Variants in PRTG observed in about 807,000 individuals in gnomAD.
PRTG encodes protogenin.
A neutral mutation model predicts 122.5 loss-of-function variants in PRTG; 67 were observed. The ratio of observed to expected loss-of-function variants is 0.55; its 90% CI spans 0.45 to 0.67. The LOEUF is 0.67. Among genes scored for constraint, PRTG ranks in the 30% least tolerant of loss-of-function variants. The pLI is 0.00. For missense variants in PRTG, 1,435 were observed against 1,415.4 expected, an observed-to-expected ratio of 1.01 and a Z score of -0.22; for synonymous variants, 554 against 501.1, an observed-to-expected ratio of 1.11 and a Z score of -1.41.
In PRTG at chr15:55,724,110, C is replaced by A. The variant is rs192282082; in HGVS notation, c.397+16272G>T. ...TTGTGGCCCAACATGTGTTCTATTCCGGAGAACGTTTTATGTGCACTAGAG... is the reference window on the plus strand; with the variant it reads ...TTGTGGCCCAACATGTGTTCTATTCAGGAGAACGTTTTATGTGCACTAGAG... On this transcript the variant is annotated intron_variant, in intron 2 of 19. Coordinates refer to ENST00000389286, the MANE Select transcript of PRTG (RefSeq NM_173814.6). Among the ~76,000 whole-genome samples the A allele has an allele frequency of 2.6e-5, 4 of 152,020 alleles. No individual in the cohort carries two copies. In the East Asian group the frequency reaches 7.7e-4, roughly 29 times the overall value.
rs2059121560 is a variant in PRTG, at chr15:55,611,810, C to G, written c.*8202G>C. Reference sequence around the variant, plus strand: ...CATTCAAAATCAAGGCAAACATTTGCTTTCTTCGTGCAATGGCATTCACAG... The same window carrying G: ...CATTCAAAATCAAGGCAAACATTTGGTTTCTTCGTGCAATGGCATTCACAG... On this transcript the variant is annotated 3_prime_UTR_variant, in exon 20 of 20. Coordinates refer to ENST00000389286, the MANE Select transcript of PRTG (RefSeq NM_173814.6). 6.6e-6 allele frequency: 1 copy of G among 151,960 alleles called. No homozygotes were observed. The allele number at this position is 151,960 out of a possible 1,614,324, so 9.4% of individuals were successfully genotyped here. A position where few individuals can be genotyped will look rare whatever the true frequency, so the allele number is the denominator to read the frequency against.
At chr15:55,661,372 C>T (rs372989595) in intron 11 of PRTG, among the ~76,000 whole-genome samples, 17 of 152,176 alleles carry the variant, frequency 1.1e-4, no homozygotes, top group African/African-American at 4.1e-4. Context: ...AAAACAACAA[C>T]AGCAGCAACA....
chr15:55,653,412 C>A (rs9920262), intron 11 of PRTG, among the ~76,000 whole-genome samples: 116,131 of 151,912 alleles, frequency 0.76, 45,193 homozygotes, highest in Non-Finnish European at 0.84. Context: ...TGTACGTGTC[C>A]TTTGAGAATC....
rs372887571 is a variant in PRTG, at chr15:55,705,462, T to C, written c.398-21531A>G. On this transcript the variant is annotated intron_variant, in intron 2 of 19. Transcript: ENST00000389286. ...GTCAACTATTTTGTCTTCCCCTTTC[T>C]ACTTATTCTTTTTGTGAGAGAGGGT... Among the ~76,000 whole-genome samples the C allele has an allele frequency of 9.2e-5, 14 of 152,204 alleles. 1 individual carries two copies. In the East Asian group the frequency reaches 2.3e-3, roughly 25 times the overall value.
chr15:55,649,064 T>G (rs559938163), intron 11 of PRTG, among the ~76,000 whole-genome samples: 3 of 147,938 alleles, frequency 2.0e-5, no homozygotes, highest in African/African-American at 7.5e-5. Context: ...GCCACTGCAC[T>G]CCAGACTGAG....
chr15:55,637,291 G>C lies in PRTG; in HGVS notation c.2502C>G (p.Asp834Glu). The C allele has an allele frequency of 6.2e-7, 1 of 1,613,938 alleles. No individual in the cohort carries two copies. Among genetic ancestry groups the C allele is most frequent in the Non-Finnish European group, 8.5e-7 (1 of 1,179,948 alleles). Residue 834 changes from aspartate to glutamate, a missense_variant, in exon 15 of 20, where the codon GAC becomes GAG. By Grantham distance (45) the Asp-to-Glu change is conservative. Coordinates refer to ENST00000389286, the MANE Select transcript of PRTG (RefSeq NM_173814.6). ...GGGGTTTCCAAGAAACCAGGGCAGT[G>C]TCATCCTCTATTAATGTCACTTTTA... ...VGVKVTLIED[D>E]TALVSWKPPD...
At chr15:55,667,689 C>T (rs1280604994) in intron 11 of PRTG, among the ~76,000 whole-genome samples, 1 of 152,192 alleles carries the variant, frequency 6.6e-6, no homozygotes, top group Non-Finnish European at 1.5e-5. Flanking sequence ...CTCACACTTT[C>T]GTCAGTTAGT....
rs564315184 is a variant in PRTG, at chr15:55,711,552, A to C, written c.398-27621T>G. On this transcript the variant is annotated intron_variant, in intron 2 of 19. Coordinates refer to ENST00000389286, the MANE Select transcript of PRTG (RefSeq NM_173814.6). ...TGTTTGATGCCACCCACTCTCCTGG[A>C]ACTTGCCAAAGACATGTGAACAAAC... Among the ~76,000 whole-genome samples, 3 of 152,196 alleles carry C rather than the reference A, an allele frequency of 2.0e-5. No individual in the cohort carries two copies. The South Asian group carries it at 6.2e-4, about 32-fold the overall frequency.
At chr15:55,620,838 A>G in intron 18 of PRTG, 71 bp from the exon 19 acceptor site, 2 of 1,295,254 alleles carry the variant, frequency 1.5e-6, no homozygotes, top group Non-Finnish European at 1.1e-6. Context: ...CAAGTAGTGC[A>G]TACTTTAACT....
intron 4 of PRTG, among the ~76,000 whole-genome samples, chr15:55,681,070 A>G (rs2059535350): frequency 6.6e-6 from 1 of 152,188 alleles, no homozygotes; most frequent in African/African-American, 2.4e-5. Flanking sequence ...TGTTACATGT[A>G]TAAGTACTTC....
intron 15 of PRTG, among the ~76,000 whole-genome samples, chr15:55,634,940 A>G (rs879348713): frequency 6.6e-6 from 1 of 152,162 alleles, no homozygotes; most frequent in Non-Finnish European, 1.5e-5. Flanking sequence ...CACTGGTTTC[A>G]GACTTGGCCA....
At position 55,668,158 on chromosome 15, in the gene PRTG, T is replaced by A. The variant is rs1280405317; in HGVS notation, c.2041+4287A>T. On this transcript the variant is annotated intron_variant, in intron 11 of 19. Transcript: ENST00000389286. Reference sequence around the variant, plus strand: ...TTATAATTGGTGTGAAATCTCATGCTCACACTAATCATGCTTACTGTAAAA... The same window carrying A: ...TTATAATTGGTGTGAAATCTCATGCACACACTAATCATGCTTACTGTAAAA... Among the ~76,000 whole-genome samples the A allele has an allele frequency of 5.9e-5, 9 of 152,236 alleles. No homozygotes were observed. The East Asian group carries it at 1.7e-3, about 29-fold the overall frequency.
intron 1 of PRTG, chr15:55,742,536 A>G (rs1016286909): frequency 6.5e-6 from 2 of 308,810 alleles, no homozygotes; most frequent in Non-Finnish European, 1.2e-5. Context: ...CGCGAGAAGG[A>G]AGAGACCAGA....
At chr15:55,680,828 T>C (rs2059533863) in intron 4 of PRTG, among the ~76,000 whole-genome samples, 200 bp from the exon 5 acceptor site, 1 of 152,130 alleles carries the variant, frequency 6.6e-6, no homozygotes. Flanking sequence ...TGTACAACTA[T>C]TACCACAATT....
At position 55,639,679 on chromosome 15, in the gene PRTG, C is replaced by A; in HGVS notation, c.2287G>T (p.Gly763Cys). The change falls in exon 13 of 20, where the codon GGC becomes TGC. Residue 763 changes from glycine (G) to cysteine (C), a missense_variant. Transcript: ENST00000389286. ...INYTIRCNPVGLQNASLVLYL... is the reference protein window; with the variant it reads ...INYTIRCNPVCLQNASLVLYL... ...AGAACCAAAGAAGCATTCTGCAGGC[C>A]AACAGGATTACAGCGGATGGTGTAG... 1 of 1,614,040 alleles carries A rather than the reference C, an allele frequency of 6.2e-7. No individual in the cohort carries two copies. The highest frequency in any genetic ancestry group is 8.5e-7 in the Non-Finnish European group (1 of 1,180,008).
Position 55,655,967 on chromosome 15 carries a change from A to T in PRTG, c.2042-14759T>A, listed in dbSNP as rs189343264. On this transcript the variant is annotated intron_variant, in intron 11 of 19. Coordinates refer to ENST00000389286, the MANE Select transcript of PRTG (RefSeq NM_173814.6). The stretch of plus-strand genomic sequence containing the variant: ...TTTTAATGTATTTGCTTTATTTCTT[A>T]TTCTTTTATTTGTGTGTGTACTTAT... 2.2e-3 allele frequency: 336 copies of T among 153,428 alleles called. 1 individual carries two copies. The highest frequency in any genetic ancestry group is 3.8e-3 in the Non-Finnish European group (262 of 68,872). 9.5% of individuals were successfully genotyped at this position (153,428 alleles called of 1,614,324 possible). A position where few individuals can be genotyped will look rare whatever the true frequency, so the allele number is the denominator to read the frequency against.
At chr15:55,667,970 C>T (rs1054166835) in intron 11 of PRTG, among the ~76,000 whole-genome samples, 1 of 152,108 alleles carries the variant, frequency 6.6e-6, no homozygotes, top group Non-Finnish European at 1.5e-5. Context: ...GCCTGTGGTC[C>T]CAGCCACTCA....
chr15:55,672,389 T>C, intron 11 of PRTG, 56 bp downstream of exon 11: 2 of 1,397,684 alleles, frequency 1.4e-6, no homozygotes, highest in Admixed American at 4.2e-5. Context: ...ATAACTTTTT[T>C]CGCAGTTTGT....
At chr15:55,690,404 T>C (rs1040064050) in intron 2 of PRTG, among the ~76,000 whole-genome samples, 1 of 152,178 alleles carries the variant, frequency 6.6e-6, no homozygotes, top group East Asian at 1.9e-4. Flanking sequence ...GAGAAAAGCA[T>C]TTAATTAAAT....
Sources: gnomAD v4.1 joint callset for allele counts (sites outside exome capture counted in the v4.1 genomes callset) on GRCh38, gnomAD v4.1.1 for gene constraint, MANE v1.5 for transcripts, NCBI Gene and HGNC (gene_info 2026-07-23, HGNC 2026-07-21) for gene names.